Variants in KCNN2 observed in about 807,000 individuals in gnomAD.
KCNN2 encodes the protein potassium calcium-activated channel subfamily N member 2.
A neutral mutation model predicts 55.5 loss-of-function variants in KCNN2; 24 were observed. That is an observed-to-expected ratio of 0.43 (90% CI 0.31 to 0.61). The LOEUF (loss-of-function observed/expected upper bound fraction) is 0.61, where lower values mean the gene tolerates loss of function less well. KCNN2 is among the 20% of genes least tolerant of loss of function. The pLI, the probability that KCNN2 is intolerant of heterozygous loss-of-function variation, is 0.08. For synonymous variants in KCNN2, 431 were observed against 336.1 expected, an observed-to-expected ratio of 1.28 and a Z score of -3.09; for missense variants, 754 against 853.6, an observed-to-expected ratio of 0.88 and a Z score of 1.45.
At chr5:114,130,070 C>T (rs758106824) in intron 1 of KCNN2, among the ~76,000 whole-genome samples, 34 of 152,208 alleles carry the variant, frequency 2.2e-4, no homozygotes, top group African/African-American at 8.0e-4. Context: ...TGGAACATCA[C>T]CTTCCTCCCT....
intron 1 of KCNN2, among the ~76,000 whole-genome samples, chr5:114,094,863 A>G (rs1751224371): frequency 6.6e-6 from 1 of 152,118 alleles, no homozygotes; most frequent in African/African-American, 2.4e-5. Context: ...TGATGACCAT[A>G]CAATGGAGTA....
chr5:114,173,804 AT>A (rs536117475), intron 1 of KCNN2, among the ~76,000 whole-genome samples: 1 of 151,902 alleles, frequency 6.6e-6, no homozygotes, highest in Non-Finnish European at 1.5e-5. Flanking sequence ...TTTTTCATCA[AT>A]CATCATGTCT....
At chr5:114,414,166 T>G (rs1759224865) in intron 3 of KCNN2, among the ~76,000 whole-genome samples, 1 of 152,176 alleles carries the variant, frequency 6.6e-6, no homozygotes, top group African/African-American at 2.4e-5. Flanking sequence ...TGTAAGATTG[T>G]ATTAATACAA....
In KCNN2 at chr5:114,247,904, G is replaced by A. The variant is rs1328091272; in HGVS notation, c.-185+26339G>A. The stretch of plus-strand genomic sequence containing the variant: ...TCAAGTTTAATTGGAAGCCCTCCTT[G>A]TGCATCTCAGTATAATTATCTTCAG... On this transcript the variant is annotated intron_variant, in intron 2 of 10. Coordinates refer to the KCNN2 transcript ENST00000512097. Among the ~76,000 whole-genome samples, 3 of 152,034 alleles carry A rather than the reference G, an allele frequency of 2.0e-5. No individual in the cohort carries two copies. In the East Asian group the frequency reaches 5.8e-4, roughly 29 times the overall value.
At chr5:114,187,012 A>G (rs1173481446) in intron 1 of KCNN2, among the ~76,000 whole-genome samples, 1 of 152,224 alleles carries the variant, frequency 6.6e-6, no homozygotes, top group Non-Finnish European at 1.5e-5. Context: ...CATCCACCCC[A>G]TAAATGGTTC....
At chr5:114,405,282 A>C (rs1168449318) in intron 3 of KCNN2, among the ~76,000 whole-genome samples, 1 of 152,184 alleles carries the variant, frequency 6.6e-6, no homozygotes, top group Non-Finnish European at 1.5e-5. Context: ...AATATCTTAA[A>C]GCGGTTTGTT....
chr5:114,363,738 G>C (rs755380076), intron 1 of KCNN2, among the ~76,000 whole-genome samples, 168 bp from the exon 2 acceptor site: 4 of 152,160 alleles, frequency 2.6e-5, no homozygotes, highest in Non-Finnish European at 5.9e-5. Flanking sequence ...TTGGTTTTGA[G>C]GCCGAGTGAT....
chr5:114,315,421 CTGTGTGTGTGTGTGTGTGTG>C (rs34000645), intron 2 of KCNN2, among the ~76,000 whole-genome samples: 2 of 142,884 alleles, frequency 1.4e-5, no homozygotes, highest in Non-Finnish European at 3.0e-5. Flanking sequence ...AAGGCAGAAA[CTGTGTGTGTGTGTGTGTGTG>C]TGTGTGTGTG....
intron 2 of KCNN2, among the ~76,000 whole-genome samples, chr5:114,289,475 C>G (rs1755838551): frequency 1.3e-5 from 2 of 150,758 alleles, no homozygotes; most frequent in East Asian, 2.0e-4. Flanking sequence ...CTCGCAGATT[C>G]AAGTGATTCT....
At chr5:114,089,124 A>G (rs1751083317) in intron 1 of KCNN2, among the ~76,000 whole-genome samples, 1 of 151,882 alleles carries the variant, frequency 6.6e-6, no homozygotes. Flanking sequence ...GCTTCTTTTT[A>G]TATCTTGTAA....
At chr5:114,098,141 T>G (rs751195137) in intron 1 of KCNN2, among the ~76,000 whole-genome samples, 6 of 152,142 alleles carry the variant, frequency 3.9e-5, no homozygotes, top group East Asian at 1.9e-4. Flanking sequence ...CATGGCCTTC[T>G]TCTCTGTCTG....
At chr5:114,229,289 CT>C (rs944112634) in intron 2 of KCNN2, among the ~76,000 whole-genome samples, 36 of 148,968 alleles carry the variant, frequency 2.4e-4, no homozygotes, top group South Asian at 4.3e-4. Context: ...AAGATCCCTG[CT>C]TTTTTTTTTT....
intron 2 of KCNN2, among the ~76,000 whole-genome samples, chr5:114,275,701 G>T (rs1363126217): frequency 1.3e-5 from 2 of 151,802 alleles, no homozygotes; most frequent in African/African-American, 4.8e-5. Context: ...ATTTTTTATT[G>T]CATTTATTTG....
At chr5:114,107,525 C>A (rs1311885177) in intron 1 of KCNN2, among the ~76,000 whole-genome samples, 1 of 151,994 alleles carries the variant, frequency 6.6e-6, no homozygotes, top group Non-Finnish European at 1.5e-5. Context: ...GCTGGGACTA[C>A]AGCCATGCAC....
chr5:114,282,181 C>A (rs1372888711), intron 2 of KCNN2, among the ~76,000 whole-genome samples: 1 of 151,842 alleles, frequency 6.6e-6, no homozygotes, highest in African/African-American at 2.4e-5. Context: ...CTATTTATTT[C>A]TTTTGGGGAT....
rs1243986574 is a variant in KCNN2 at position 114,308,242 on chromosome 5, C to T, written c.-184-52703C>T. Reference sequence around the variant, plus strand: ...GCTATTTGACTGGTAGGGGATCTAGCTCCAAAAGCCCATTGTCATATCTTT... The same window carrying T: ...GCTATTTGACTGGTAGGGGATCTAGTTCCAAAAGCCCATTGTCATATCTTT... On this transcript the variant is annotated intron_variant, in intron 2 of 10. Coordinates refer to the KCNN2 transcript ENST00000512097. 3.3e-5 allele frequency among the ~76,000 whole-genome samples: 5 copies of T among 152,254 alleles called. No individual in the cohort carries two copies. The East Asian group carries it at 9.7e-4, about 29-fold the overall frequency.
chr5:114,206,248 A>G (rs1012350833), intron 1 of KCNN2, among the ~76,000 whole-genome samples: 3 of 152,208 alleles, frequency 2.0e-5, no homozygotes, highest in Admixed American at 1.3e-4. Flanking sequence ...GACTTCAGCT[A>G]TCATTTCCAA....
At position 114,362,474 on chromosome 5, in the gene KCNN2, G is replaced by GCTC. The variant is rs778624218; in HGVS notation, c.337_338insCCT (p.Cys112_Cys113insSer). ...TCCTCGCCGCTGTCGGGCTCGTCCT[G>GCTC]CTGCTGCTGCTGCTGCTCGTCGCGC... On this transcript the variant is annotated inframe_insertion, in exon 1 of 8. Coordinates refer to ENST00000673685, the MANE Select transcript of KCNN2 (RefSeq NM_021614.4). The GCTC allele has an allele frequency of 6.3e-6, 2 of 315,154 alleles. No individual in the cohort carries two copies. The highest frequency in any genetic ancestry group is 2.2e-5 in the African/African-American group (1 of 45,476). The allele number at this position is 315,154 out of a possible 1,614,324, so 19.5% of individuals were successfully genotyped here.
chr5:114,465,914 T>A (rs1333572888), intron 4 of KCNN2, among the ~76,000 whole-genome samples: 1 of 152,198 alleles, frequency 6.6e-6, no homozygotes, highest in African/African-American at 2.4e-5. Flanking sequence ...ACTAAGCAGA[T>A]TCCCATGGAG....
Sources: gnomAD v4.1 joint callset for allele counts (sites outside exome capture counted in the v4.1 genomes callset) on GRCh38, gnomAD v4.1.1 for gene constraint, MANE v1.5 for transcripts, NCBI Gene and HGNC (gene_info 2026-07-23, HGNC 2026-07-21) for gene names.